LIPI: variants seen among roughly 807,000 people sequenced by gnomAD.
LIPI encodes lipase member I.
In LIPI, 59 loss-of-function variants were observed where a neutral mutation model predicts 50.6. The ratio of observed to expected loss-of-function variants is 1.16; its 90% CI spans 0.94 to 1.45. The LOEUF is 1.45. LIPI is among the 40% of genes most tolerant of loss of function. LIPI has a pLI of 0.00. For missense variants in LIPI, 586 were observed against 536.3 expected, an observed-to-expected ratio of 1.09 and a Z score of -0.92; for synonymous variants, 203 against 178.2, an observed-to-expected ratio of 1.14 and a Z score of -1.11.
chr21:14,144,756 C>A lies in LIPI; in HGVS notation c.1162G>T (p.Ala388Ser), dbSNP rs769942211. The A allele has an allele frequency of 6.3e-7, 1 of 1,586,062 alleles. No individual in the cohort carries two copies. The highest frequency in any genetic ancestry group is 8.7e-7 in the Non-Finnish European group (1 of 1,155,522). ...FYKLQEVKIL[A>S]QFYNDFVNIS... is the part of the protein sequence containing the mutation. Reference sequence around the variant, plus strand: ...TTTACAAAGTCATTATAAAATTGAGCAAGAATCTTGACTTCTTGAAGTTTA... The same window carrying A: ...TTTACAAAGTCATTATAAAATTGAGAAAGAATCTTGACTTCTTGAAGTTTA... Residue 388 changes from alanine (A) to serine (S), a missense_variant, in exon 9 of 10, where the codon GCT becomes TCT. By Grantham distance (99) the Ala-to-Ser change is moderately conservative. Coordinates refer to ENST00000681601, the MANE Select transcript of LIPI (RefSeq NM_001302998.2).
chr21:14,142,474 A>T (rs1223649087), intron 9 of LIPI, among the ~76,000 whole-genome samples: 1 of 148,890 alleles, frequency 6.7e-6, no homozygotes, highest in Non-Finnish European at 1.5e-5. Flanking sequence ...TAGATAATAT[A>T]TTATATATAT....
In LIPI at chr21:14,165,400, T is replaced by TAA; in HGVS notation, c.734-12_734-11dup. ...TTAATGAATTGAATTCCTTAAGGGT[T>TAA]AAAAAAAAAACAAAGAACTGTAGAT... On this transcript the variant is annotated splice_polypyrimidine_tract_variant and intron_variant, in intron 5 of 9. Transcript: ENST00000681601. 20 of 1,479,378 alleles carry TAA rather than the reference T, an allele frequency of 1.4e-5. No individual in the cohort carries two copies. Among genetic ancestry groups the TAA allele is most frequent in the South Asian group, 3.6e-5 (3 of 82,732 alleles). 91.6% of individuals were successfully genotyped at this position (1,479,378 alleles called of 1,614,324 possible). A position where few individuals can be genotyped will look rare whatever the true frequency, so the allele number is the denominator to read the frequency against.
At chr21:14,164,677 G>A (rs2018612881) in intron 6 of LIPI, among the ~76,000 whole-genome samples, 2 of 152,052 alleles carry the variant, frequency 1.3e-5, no homozygotes, top group South Asian at 4.1e-4. Context: ...TTTTTATGTG[G>A]ATTTTTTTCT....
At chr21:14,172,425 A>C (rs1283775174) in intron 4 of LIPI, among the ~76,000 whole-genome samples, 1 of 152,202 alleles carries the variant, frequency 6.6e-6, no homozygotes, top group Non-Finnish European at 1.5e-5. Flanking sequence ...ACGTATGTTT[A>C]TTGCAGCACT....
At chr21:14,117,943 GT>G (rs1319357251) in intron 9 of LIPI, among the ~76,000 whole-genome samples, 1 of 152,028 alleles carries the variant, frequency 6.6e-6, no homozygotes, top group Non-Finnish European at 1.5e-5. Flanking sequence ...ACATGAATGT[GT>G]CATGGATGTG....
rs749553448 is a variant in LIPI, at chr21:14,152,657, A to C, written c.1034T>G (p.Val345Gly). 41 of 1,522,650 alleles carry C rather than the reference A, an allele frequency of 2.7e-5. 1 individual carries two copies. The East Asian group carries it at 6.8e-4, about 25-fold the overall frequency. The allele number at this position is 1,522,650 out of a possible 1,614,324, so 94.3% of individuals were successfully genotyped here. Residue 345 changes from valine (V) to glycine (G), a missense_variant, in exon 8 of 10, where the codon GTT (valine) becomes GGT (glycine). Physicochemically the swap from Val to Gly is moderately radical, Grantham distance 109. Transcript: ENST00000681601. ...GCCATCCATCATAGTTTTATCTGGA[A>C]CAATTATACTGAGAACAAAATAATA... is the stretch of plus-strand genomic sequence containing the variant. ...CTYYFVLSIIVPDKTMMDGSF... is the reference protein window; with the variant it reads ...CTYYFVLSIIGPDKTMMDGSF...
intron 5 of LIPI, among the ~76,000 whole-genome samples, chr21:14,165,903 C>G (rs568040679): frequency 6.6e-6 from 1 of 152,184 alleles, no homozygotes; most frequent in Non-Finnish European, 1.5e-5. Context: ...ACATTTCTTG[C>G]AATGGCTCTG....
At chr21:14,118,402 C>CT (rs35032306) in intron 9 of LIPI, among the ~76,000 whole-genome samples, 2 of 152,158 alleles carry the variant, frequency 1.3e-5, no homozygotes, top group African/African-American at 4.8e-5. Context: ...GAAAAGACAC[C>CT]TTTTTTCAAA....
At position 14,161,594 on chromosome 21, in the gene LIPI, A is replaced by ATTAATATATAATATACATATATT. The variant is rs1242707704; in HGVS notation, c.1006+1824_1006+1825insAATATATGTATATTATATATTAA. Reference sequence around the variant, plus strand: ...TTATATATATAATATATATCTATATAATATATTAATATATAATATACATAT... The same window carrying ATTAATATATAATATACATATATT: ...TTATATATATAATATATATCTATATATTAATATATAATATACATATATTATATATTAATATATAATATACATAT... On this transcript the variant is annotated intron_variant, in intron 7 of 9. Coordinates refer to ENST00000681601, the MANE Select transcript of LIPI (RefSeq NM_001302998.2). Among the ~76,000 whole-genome samples the ATTAATATATAATATACATATATT allele has an allele frequency of 1.3e-3, 153 of 115,466 alleles. 17 individuals are homozygous for ATTAATATATAATATACATATATT. The highest frequency in any genetic ancestry group is 5.5e-3 in the African/African-American group (147 of 26,630). The allele number at this position is 115,466 out of a possible 152,430, so 75.8% of individuals were successfully genotyped here. A position where few individuals can be genotyped will look rare whatever the true frequency, so the allele number is the denominator to read the frequency against.
intron 2 of LIPI, among the ~76,000 whole-genome samples, chr21:14,187,548 T>C (rs2019498365): frequency 1.3e-5 from 2 of 152,166 alleles, no homozygotes; most frequent in East Asian, 3.8e-4. Flanking sequence ...TTACAAATTT[T>C]CCTAAATATT....
chr21:14,112,976 C>T (rs1343162459), intron 9 of LIPI, among the ~76,000 whole-genome samples: 1 of 152,156 alleles, frequency 6.6e-6, no homozygotes, highest in Non-Finnish European at 1.5e-5. Flanking sequence ...TCATAGTCCA[C>T]TCGATAAGGC....
At chr21:14,168,975 G>T (rs1394406945) in intron 4 of LIPI, among the ~76,000 whole-genome samples, 1 of 151,040 alleles carries the variant, frequency 6.6e-6, no homozygotes, top group East Asian at 1.9e-4. Flanking sequence ...CCCATCTCAA[G>T]TGCAGAGACA....
chr21:14,140,726 A>G (rs2017675412), intron 9 of LIPI, among the ~76,000 whole-genome samples: 1 of 152,122 alleles, frequency 6.6e-6, no homozygotes, highest in African/African-American at 2.4e-5. Flanking sequence ...CTTATCATCT[A>G]TAAAATTCTA....
intron 1 of LIPI, chr21:14,206,897 GTTA>G: frequency 6.2e-7 from 1 of 1,611,534 alleles, no homozygotes; most frequent in Admixed American, 1.7e-5. Context: ...TTTGGCACAA[GTTA>G]TTATGTAAAC....
intron 4 of LIPI, among the ~76,000 whole-genome samples, chr21:14,176,605 GTTA>G (rs1379486192): frequency 6.7e-6 from 1 of 149,806 alleles, no homozygotes; most frequent in Non-Finnish European, 1.5e-5. Flanking sequence ...TTATATTTTT[GTTA>G]TTTATTTGGA....
At chr21:14,202,153 C>T (rs2020076694) in intron 1 of LIPI, among the ~76,000 whole-genome samples, 1 of 152,124 alleles carries the variant, frequency 6.6e-6, no homozygotes, top group Non-Finnish European at 1.5e-5. Context: ...TCAAGAAGAA[C>T]TACAAACCAC....
At position 14,209,245 on chromosome 21, in the gene LIPI, T is replaced by C. The variant is rs2020303725; in HGVS notation, c.46+1555A>G. The stretch of plus-strand genomic sequence containing the variant: ...GATCTATCTCTCCTCTCCCATTTTA[T>C]TCTACTTACAATTTTTAAAAACACC... On this transcript the variant is annotated intron_variant, in intron 1 of 9. Coordinates refer to ENST00000681601, the MANE Select transcript of LIPI (RefSeq NM_001302998.2). Among the ~76,000 whole-genome samples the C allele has an allele frequency of 2.0e-5, 3 of 152,332 alleles. No individual in the cohort carries two copies. The South Asian group carries it at 6.2e-4, about 32-fold the overall frequency.
intron 8 of LIPI, among the ~76,000 whole-genome samples, chr21:14,150,140 T>C (rs965940624): frequency 6.6e-6 from 1 of 152,158 alleles, no homozygotes; most frequent in Non-Finnish European, 1.5e-5. Context: ...GAAATCTAGG[T>C]GGAGGTTCCC....
At chr21:14,131,781 T>C (rs2017305501) in intron 9 of LIPI, among the ~76,000 whole-genome samples, 1 of 152,124 alleles carries the variant, frequency 6.6e-6, no homozygotes, top group African/African-American at 2.4e-5. Context: ...CTCAATGAGA[T>C]GTAAGAGAAA....
Sources: allele counts gnomAD v4.1 joint callset (sites outside exome capture counted in the v4.1 genomes callset), GRCh38; gene constraint gnomAD v4.1.1; transcripts MANE v1.5; gene names NCBI Gene and HGNC (gene_info 2026-07-23, HGNC 2026-07-21).